Variants in TTLL5 observed in about 807,000 individuals in gnomAD.
TTLL5 encodes the protein tubulin tyrosine ligase like 5, also known as tubulin polyglutamylase TTLL5.
TTLL5 carries 132 observed loss-of-function variants against 168.4 expected under a neutral mutation model. The observed-to-expected ratio is 0.78, with a 90% CI of 0.68 to 0.91. The LOEUF (loss-of-function observed/expected upper bound fraction) is 0.91, where lower values mean the gene tolerates loss of function less well. TTLL5 is among the 40% of genes least tolerant of loss of function. TTLL5 has a pLI of 0.00. For missense variants in TTLL5, 1,545 were observed against 1,581.5 expected, an observed-to-expected ratio of 0.98 and a Z score of 0.39; for synonymous variants, 546 against 558.6, an observed-to-expected ratio of 0.98 and a Z score of 0.32.
At chr14:75,836,606 C>T (rs1347574604) in intron 28 of TTLL5, among the ~76,000 whole-genome samples, 2 of 152,072 alleles carry the variant, frequency 1.3e-5, no homozygotes, top group Non-Finnish European at 2.9e-5. Context: ...ATAGATACTG[C>T]ATTTACCCTG....
intron 18 of TTLL5, among the ~76,000 whole-genome samples, chr14:75,760,579 T>A (rs918289487): frequency 2.6e-4 from 39 of 152,042 alleles, no homozygotes; most frequent in African/African-American, 9.4e-4. Context: ...ACTGTAATTC[T>A]ACAGTATTCA....
chr14:75,937,122 AT>A (rs33999782), intron 31 of TTLL5, among the ~76,000 whole-genome samples: 13 of 146,222 alleles, frequency 8.9e-5, no homozygotes, highest in Non-Finnish European at 7.5e-5. Context: ...GTACATTTAC[AT>A]TTTTTTTTTT....
At position 75,669,461 on chromosome 14, in the gene TTLL5, A is replaced by C. The variant is rs1238704630; in HGVS notation, c.120A>C (p.Pro40=). 6.2e-7 allele frequency: 1 copy of C among 1,614,168 alleles called. No homozygotes were observed. The highest frequency in any genetic ancestry group is 1.1e-5 in the South Asian group (1 of 91,082). Residue 40 remains proline, a synonymous_variant, in exon 3 of 32, where the codon CCA becomes CCC. Transcript: ENST00000298832. ...IMWTGGCRRI[P]VLVFHADAIL... is the part of the protein sequence containing the mutation. ...GGACTGGAGGCTGCAGGAGAATTCC[A>C]GTTTTGGTATTCCATGCCGACGCTA...
rs1370685751 is a variant in TTLL5 at position 75,661,328 on chromosome 14, G to A, written c.-155G>A. 6.6e-6 allele frequency: 1 copy of A among 152,296 alleles called. No homozygotes were observed. Among genetic ancestry groups the A allele is most frequent in the Non-Finnish European group, 1.5e-5 (1 of 68,076 alleles). 9.4% of individuals were successfully genotyped at this position (152,296 alleles called of 1,614,324 possible). A position where few individuals can be genotyped will look rare whatever the true frequency, so the allele number is the denominator to read the frequency against. ...TGAGCCTTCCTGGGGAAGGAGGAGG[G>A]AGGTAGGCGCAGAGCGCGGTCCACG... On this transcript the variant is annotated 5_prime_UTR_variant, in exon 1 of 32. Coordinates refer to ENST00000298832, the MANE Select transcript of TTLL5 (RefSeq NM_015072.5).
At chr14:75,759,417 AGGCTCACT>A (rs1005640966) in intron 18 of TTLL5, among the ~76,000 whole-genome samples, 105 of 152,256 alleles carry the variant, frequency 6.9e-4, no homozygotes, top group African/African-American at 2.3e-3. Flanking sequence ...AGAAAACTCC[AGGCTCACT>A]GGTTTCACTA....
chr14:75,732,304 T>G, intron 12 of TTLL5, 34 bp from the exon 13 acceptor site: 56 of 1,584,088 alleles, frequency 3.5e-5, no homozygotes, highest in East Asian at 4.5e-5. Context: ...ACATGGAAAA[T>G]GATCTTGTGT....
chr14:75,674,330 C>T (rs146099701), intron 3 of TTLL5, among the ~76,000 whole-genome samples: 3 of 152,166 alleles, frequency 2.0e-5, no homozygotes, highest in African/African-American at 7.2e-5. Context: ...TAAATACTCT[C>T]AATCTGCAAC....
intron 29 of TTLL5, among the ~76,000 whole-genome samples, chr14:75,878,894 C>T (rs2031649251): frequency 6.6e-6 from 1 of 152,140 alleles, no homozygotes; most frequent in South Asian, 2.1e-4. Flanking sequence ...ACACACTAGG[C>T]ACTGTTTAAA....
At chr14:75,802,064 C>CT (rs1015369959) in intron 27 of TTLL5, among the ~76,000 whole-genome samples, 6 of 151,878 alleles carry the variant, frequency 4.0e-5, no homozygotes, top group South Asian at 2.1e-4. Flanking sequence ...TTTGTGCTTT[C>CT]TTTTTTTTGT....
intron 28 of TTLL5, among the ~76,000 whole-genome samples, chr14:75,857,904 A>G (rs573123779): frequency 4.1e-4 from 62 of 151,700 alleles, no homozygotes; most frequent in African/African-American, 1.5e-3. Context: ...GCCCACCTCG[A>G]CCTCCCAAAG....
At chr14:75,685,217 T>TA (rs1411278521) in intron 5 of TTLL5, among the ~76,000 whole-genome samples, 9 of 151,118 alleles carry the variant, frequency 6.0e-5, no homozygotes, top group Non-Finnish European at 1.0e-4. Context: ...ACCCCGGCTC[T>TA]AAAAAAAACA....
At position 75,769,073 on chromosome 14, in the gene TTLL5, C is replaced by T. The variant is rs149032812; in HGVS notation, c.2016-2661C>T. Among the ~76,000 whole-genome samples, 160 of 152,322 alleles carry T rather than the reference C, an allele frequency of 1.1e-3. 1 individual carries two copies. The highest frequency in any genetic ancestry group is 3.6e-3 in the African/African-American group (149 of 41,580). ...GAATTGAAAATAGAGCATTTGAAAA[C>T]CACTGGACTGTATTCTAAGGTCCTT... On this transcript the variant is annotated intron_variant, in intron 20 of 31. Transcript: ENST00000298832.
intron 31 of TTLL5, among the ~76,000 whole-genome samples, chr14:75,927,397 G>A (rs768230483): frequency 4.0e-5 from 6 of 151,764 alleles, no homozygotes; most frequent in Non-Finnish European, 5.9e-5. Context: ...AAAAACCACC[G>A]AACTGTATAC....
intron 31 of TTLL5, among the ~76,000 whole-genome samples, chr14:75,952,610 A>C (rs1566674833): frequency 6.6e-6 from 1 of 152,246 alleles, no homozygotes; most frequent in Non-Finnish European, 1.5e-5. Context: ...AAACAACCCA[A>C]ATGTCCACAA....
intron 27 of TTLL5, among the ~76,000 whole-genome samples, chr14:75,812,977 G>T (rs1358551762): frequency 6.6e-6 from 1 of 152,092 alleles, no homozygotes; most frequent in Non-Finnish European, 1.5e-5. Context: ...AAGGCTCAGT[G>T]GTACAAGGCA....
chr14:75,879,248 C>T lies in TTLL5; in HGVS notation c.3523-3437C>T, dbSNP rs118188100. On this transcript the variant is annotated intron_variant, in intron 29 of 31. Transcript: ENST00000298832. Reference sequence around the variant, plus strand: ...TCAGAAGAGGAAAAGATTATTTCTGCCAGAGAGAATTGAGTAAATATGATC... The same window carrying T: ...TCAGAAGAGGAAAAGATTATTTCTGTCAGAGAGAATTGAGTAAATATGATC... Among the ~76,000 whole-genome samples, 107 of 152,256 alleles carry T rather than the reference C, an allele frequency of 7.0e-4. 1 individual carries two copies. The Middle Eastern group carries it at 0.01, about 15-fold the overall frequency.
At chr14:75,946,244 A>G (rs1595315777) in intron 31 of TTLL5, among the ~76,000 whole-genome samples, 1 of 152,372 alleles carries the variant, frequency 6.6e-6, no homozygotes, top group East Asian at 1.9e-4. Flanking sequence ...ATGTAACTCA[A>G]GGAGAGCAGA....
rs537212826 is a variant in TTLL5, at chr14:75,825,523, CAT to C, written c.3326+5365_3326+5366del. On this transcript the variant is annotated intron_variant, in intron 28 of 31. Transcript: ENST00000298832. ...CTCAATGTTCCAGCCAGTAAACACT[CAT>C]ATTTTCCATCTATCCTGGGGGTCGA... Among the ~76,000 whole-genome samples, 349 of 152,264 alleles carry C rather than the reference CAT, an allele frequency of 2.3e-3. 3 individuals are homozygous for C. Among genetic ancestry groups the C allele is most frequent in the African/African-American group, 7.5e-3 (313 of 41,556 alleles).
intron 31 of TTLL5, among the ~76,000 whole-genome samples, chr14:75,940,255 A>G (rs1212408248): frequency 2.0e-5 from 3 of 151,424 alleles, no homozygotes; most frequent in Non-Finnish European, 4.4e-5. Flanking sequence ...ATTTTTTTGT[A>G]TTTTTAGTAG....
Sources: gnomAD v4.1 joint callset for allele counts (sites outside exome capture counted in the v4.1 genomes callset) on GRCh38, gnomAD v4.1.1 for gene constraint, MANE v1.5 for transcripts, NCBI Gene and HGNC (gene_info 2026-07-23, HGNC 2026-07-21) for gene names.